PLCB1: variants seen among roughly 807,000 people sequenced by gnomAD.
The protein encoded by PLCB1 is 1-phosphatidylinositol 4,5-bisphosphate phosphodiesterase beta-1.
A neutral mutation model predicts 161.8 loss-of-function variants in PLCB1; 46 were observed. That is an observed-to-expected ratio of 0.28 (90% confidence interval 0.22 to 0.36). The LOEUF is 0.36. Among genes scored for constraint, PLCB1 ranks in the 10% least tolerant of loss-of-function variants. The pLI is 1.00. For missense variants in PLCB1, 1,016 were observed against 1,472.5 expected (o/e 0.69, Z 5.07); for synonymous variants, 517 against 503.7 (o/e 1.03, Z -0.35).
chr20:8,428,051 A>C (rs913963669), intron 3 of PLCB1, among the ~76,000 whole-genome samples: 1 of 152,146 alleles, frequency 6.6e-6, no homozygotes, highest in Non-Finnish European at 1.5e-5. Context: ...TCCCTGATTA[A>C]TTTTATAAAG....
intron 3 of PLCB1, among the ~76,000 whole-genome samples, chr20:8,574,793 A>G (rs1351679949): frequency 6.6e-6 from 1 of 152,232 alleles, no homozygotes; most frequent in Non-Finnish European, 1.5e-5. Flanking sequence ...GGTTGTTTCC[A>G]GGAGACATCA....
intron 7 of PLCB1, among the ~76,000 whole-genome samples, chr20:8,655,233 G>A (rs1989426014): frequency 6.6e-6 from 1 of 152,088 alleles, no homozygotes; most frequent in African/African-American, 2.4e-5. Context: ...AATGATGTTA[G>A]TTAAATTTGA....
At chr20:8,451,818 T>G (rs2122649673) in intron 3 of PLCB1, among the ~76,000 whole-genome samples, 1 of 152,136 alleles carries the variant, frequency 6.6e-6, no homozygotes, top group South Asian at 2.1e-4. Flanking sequence ...CTCCCTTCTT[T>G]CTTCCATCTC....
At chr20:8,639,656 T>C (rs1223048370) in intron 4 of PLCB1, among the ~76,000 whole-genome samples, 1 of 152,336 alleles carries the variant, frequency 6.6e-6, no homozygotes, top group Non-Finnish European at 1.5e-5. Flanking sequence ...GGATATTTTT[T>C]TTTCAGTTGA....
chr20:8,615,342 T>C (rs112325623), intron 3 of PLCB1, among the ~76,000 whole-genome samples: 3,226 of 152,282 alleles, frequency 0.021, 94 homozygotes, highest in African/African-American at 0.068. Context: ...TTGTTATATG[T>C]AGAGGACCAT....
At chr20:8,481,872 C>T (rs1461908916) in intron 3 of PLCB1, among the ~76,000 whole-genome samples, 1 of 151,530 alleles carries the variant, frequency 6.6e-6, no homozygotes, top group Admixed American at 6.6e-5. Flanking sequence ...TTTTTTTTCC[C>T]CAAGCTGGAG....
intron 3 of PLCB1, among the ~76,000 whole-genome samples, chr20:8,415,222 AAC>A (rs1346915424): frequency 6.6e-6 from 1 of 152,222 alleles, no homozygotes; most frequent in Non-Finnish European, 1.5e-5. Flanking sequence ...TCATGAAACA[AAC>A]AGAGTCCTTA....
rs181893293 is a variant in PLCB1 at position 8,684,174 on chromosome 20, G to A, written c.863-758G>A. On this transcript the variant is annotated intron_variant, in intron 9 of 31. Coordinates refer to ENST00000338037, the MANE Select transcript of PLCB1 (RefSeq NM_015192.4). ...GCTGGGATTACAGGCGTGAGCCACC[G>A]CGCCCAGCCCCAAAAACACTTTAAC... is the stretch of plus-strand genomic sequence containing the variant. Among the ~76,000 whole-genome samples the A allele has an allele frequency of 3.8e-3, 575 of 150,280 alleles. 1 individual carries two copies. Among genetic ancestry groups the A allele is most frequent in the African/African-American group, 0.01 (424 of 40,840 alleles).
intron 2 of PLCB1, among the ~76,000 whole-genome samples, chr20:8,246,173 CA>C (rs1315942298): frequency 6.6e-6 from 1 of 151,848 alleles, no homozygotes; most frequent in Non-Finnish European, 1.5e-5. Context: ...TATTTTTGTG[CA>C]AAAGCCATCC....
intron 2 of PLCB1, among the ~76,000 whole-genome samples, chr20:8,275,250 A>AGTGTATGT (rs1555794532): frequency 1.4e-5 from 2 of 145,372 alleles, no homozygotes; most frequent in Non-Finnish European, 3.0e-5. Flanking sequence ...CATCAGCGTG[A>AGTGTATGT]GTGTGTGTGT....
intron 3 of PLCB1, among the ~76,000 whole-genome samples, chr20:8,487,270 G>A (rs567942396): frequency 6.6e-6 from 1 of 152,228 alleles, no homozygotes; most frequent in East Asian, 1.9e-4. Context: ...TATTGGAATA[G>A]TTTTGTGACT....
rs1352262044 is a variant in PLCB1, at chr20:8,189,515, C to A, written c.177+39144C>A. Among the ~76,000 whole-genome samples the A allele has an allele frequency of 3.3e-5, 5 of 151,732 alleles. No individual in the cohort carries two copies. The East Asian group carries it at 9.7e-4, about 29-fold the overall frequency. On this transcript the variant is annotated intron_variant, in intron 2 of 31. Transcript: ENST00000338037. ...TTTATATAATAACAAAGATATTACA[C>A]AAGGAAAATGGGTCTCTTTCACTTC... is the stretch of plus-strand genomic sequence containing the variant.
intron 2 of PLCB1, among the ~76,000 whole-genome samples, chr20:8,205,646 G>A (rs1978487390): frequency 6.6e-6 from 1 of 152,112 alleles, no homozygotes; most frequent in Non-Finnish European, 1.5e-5. Flanking sequence ...TGAATATTGA[G>A]TATTTGATGA....
intron 2 of PLCB1, among the ~76,000 whole-genome samples, chr20:8,154,137 A>G (rs1029428715): frequency 2.0e-5 from 3 of 152,148 alleles, no homozygotes; most frequent in Non-Finnish European, 4.4e-5. Context: ...TTTTATACTA[A>G]GTCACATCAT....
chr20:8,508,773 T>C (rs892257319), intron 3 of PLCB1, among the ~76,000 whole-genome samples: 2 of 152,050 alleles, frequency 1.3e-5, no homozygotes, highest in Admixed American at 1.3e-4. Flanking sequence ...ATTTAAAACA[T>C]GTATATGCTT....
At chr20:8,540,630 TAAG>T (rs889563178) in intron 3 of PLCB1, among the ~76,000 whole-genome samples, 13 of 150,018 alleles carry the variant, frequency 8.7e-5, no homozygotes, top group African/African-American at 3.1e-4. Flanking sequence ...TCCACATGTC[TAAG>T]TTTTCCTTTA....
chr20:8,647,767 TG>T, intron 5 of PLCB1, 132 bp from the exon 6 acceptor site: 1 of 680,602 alleles, frequency 1.5e-6, no homozygotes, highest in South Asian at 1.7e-5. Context: ...GTGCCAACTG[TG>T]GAGACTTGGG....
chr20:8,369,612 G>A (rs1411079416), intron 2 of PLCB1, among the ~76,000 whole-genome samples: 6 of 152,180 alleles, frequency 3.9e-5, no homozygotes, highest in Non-Finnish European at 8.8e-5. Flanking sequence ...GGCCTTCGGG[G>A]AACTGTGGCA....
chr20:8,629,813 TTTCTTTTCTTTCTTTCTTTC>T (rs1322832822), intron 4 of PLCB1, among the ~76,000 whole-genome samples: 11 of 72,900 alleles, frequency 1.5e-4, no homozygotes, highest in Middle Eastern at 5.8e-3. Flanking sequence ...CTTTCTTTTC[TTTCTTTTCTTTCTTTCTTTC>T]TTTCTTTCTT....
Sources: allele counts gnomAD v4.1 joint callset (sites outside exome capture counted in the v4.1 genomes callset), GRCh38; gene constraint gnomAD v4.1.1; transcripts MANE v1.5; gene names NCBI Gene and HGNC (gene_info 2026-07-23, HGNC 2026-07-21).